Variants in SCAMP4 observed in about 807,000 individuals in gnomAD.
SCAMP4 encodes the protein secretory carrier-associated membrane protein 4.
A neutral mutation model predicts 32.1 loss-of-function variants in SCAMP4; 19 were observed. That is an observed-to-expected ratio of 0.59 (90% CI 0.41 to 0.87). The LOEUF is 0.87. Ranked by LOEUF, SCAMP4 falls within the 40% of genes least tolerant of loss-of-function variation. The pLI is 0.00. For synonymous variants in SCAMP4, 152 were observed against 132.7 expected (o/e 1.15, Z -1.00); for missense variants, 302 against 309.0 (o/e 0.98, Z 0.17).
intron 1 of SCAMP4, chr19:1,912,036 CG>C: frequency 7.1e-7 from 1 of 1,416,238 alleles, no homozygotes; most frequent in East Asian, 2.8e-5. Context: ...CCCAGCCGCC[CG>C]CAGCCGCCGG....
At chr19:1,912,130 A>G (rs1451602977) in intron 1 of SCAMP4, 2 of 1,554,132 alleles carry the variant, frequency 1.3e-6, no homozygotes, top group Non-Finnish European at 1.7e-6. Flanking sequence ...GAGCAGCCCA[A>G]GTGCTTGGAG....
At position 1,923,109 on chromosome 19, in the gene SCAMP4, G is replaced by C; in HGVS notation, c.435G>C (p.Pro145=). 6.4e-7 allele frequency: 1 copy of C among 1,552,652 alleles called. No individual in the cohort carries two copies. The highest frequency in any genetic ancestry group is 8.7e-7 in the Non-Finnish European group (1 of 1,147,768). ...CAATTGGATTCTTCCAGTACAGCCC[G>C]GGCGCTGCCGTGGTCATGCTGCTTC... ...LSAIGFFQYS[P]GAAVVMLLPA... is the part of the protein sequence containing the mutation. Residue 145 remains proline (P), a synonymous_variant, in exon 6 of 7, where the codon CCG becomes CCC. Coordinates refer to ENST00000316097, the MANE Select transcript of SCAMP4 (RefSeq NM_079834.4).
At position 1,924,526 on chromosome 19, in the gene SCAMP4, G is replaced by A. The variant is rs112436547; in HGVS notation, c.*242G>A. The A allele has an allele frequency of 1.8e-5, 10 of 546,398 alleles. No homozygotes were observed. Among genetic ancestry groups the A allele is most frequent in the Admixed American group, 6.2e-5 (2 of 32,414 alleles). 33.8% of individuals were successfully genotyped at this position (546,398 alleles called of 1,614,324 possible). On this transcript the variant is annotated 3_prime_UTR_variant, in exon 7 of 7. Coordinates refer to ENST00000316097, the MANE Select transcript of SCAMP4 (RefSeq NM_079834.4). ...CCTTGGCCTCTGCCGTCCACAGGAC[G>A]CCCTCTTGCTCCCGGAAACGTGTGG... is the stretch of plus-strand genomic sequence containing the variant.
At chr19:1,921,020 T>C in intron 5 of SCAMP4, 1 of 985,418 alleles carries the variant, frequency 1.0e-6, no homozygotes, top group African/African-American at 1.7e-5. Flanking sequence ...GTGAACGCTC[T>C]TGAGAAAGAA....
At position 1,908,175 on chromosome 19, in the gene SCAMP4, G is replaced by A. The variant is rs959663182; in HGVS notation, c.-42+2736G>A. On this transcript the variant is annotated intron_variant, in intron 1 of 6. Coordinates refer to ENST00000316097, the MANE Select transcript of SCAMP4 (RefSeq NM_079834.4). This position sits in a 1 kb window ranked among gnomAD's most constrained non-coding sequence, Gnocchi z 4.2. ...GGTGTGCGTTTTGGGAGGGCCCAGCGAGTCGGCTGCTATGGGCCCCACCTG... is the reference window on the plus strand; with the variant it reads ...GGTGTGCGTTTTGGGAGGGCCCAGCAAGTCGGCTGCTATGGGCCCCACCTG... 3.4e-5 allele frequency: 9 copies of A among 268,246 alleles called. No individual in the cohort carries two copies. The highest frequency in any genetic ancestry group is 1.3e-4 in the East Asian group (1 of 7,984). 16.6% of individuals were successfully genotyped at this position (268,246 alleles called of 1,614,324 possible).
intron 1 of SCAMP4, among the ~76,000 whole-genome samples, chr19:1,914,328 C>T (rs2145443555): frequency 6.6e-6 from 1 of 152,268 alleles, no homozygotes; most frequent in Middle Eastern, 3.4e-3. Flanking sequence ...ACTGCCTCAC[C>T]TGGACTGTGG....
intron 1 of SCAMP4, 107 bp downstream of exon 1, chr19:1,905,546 G>A (rs1051215520): frequency 3.1e-6 from 1 of 323,180 alleles, no homozygotes; most frequent in Non-Finnish European, 6.8e-6. Flanking sequence ...CCGGCCGTTT[G>A]TGGGGAGAAA....
At chr19:1,913,038 G>T in intron 1 of SCAMP4, 1 of 1,603,772 alleles carries the variant, frequency 6.2e-7, no homozygotes. Context: ...CTCGCCCGAC[G>T]GCGCCCTGGG....
At chr19:1,909,900 G>C (rs1364604468) in intron 1 of SCAMP4, among the ~76,000 whole-genome samples, 1 of 152,238 alleles carries the variant, frequency 6.6e-6, no homozygotes, top group Non-Finnish European at 1.5e-5. Flanking sequence ...CGGGGCTTAC[G>C]TTTCGTGGCT....
intron 5 of SCAMP4, chr19:1,922,284 G>C: frequency 2.0e-6 from 2 of 983,738 alleles, no homozygotes; most frequent in South Asian, 9.4e-5. Context: ...TTTTGAGACA[G>C]AATCTTGCTC....
At position 1,908,194 on chromosome 19, in the gene SCAMP4, C is replaced by T. The variant is rs929120611; in HGVS notation, c.-42+2755C>T. The T allele has an allele frequency of 1.8e-5, 5 of 274,648 alleles. No individual in the cohort carries two copies. The Admixed American group carries it at 2.0e-4, about 11-fold the overall frequency. 17.0% of individuals were successfully genotyped at this position (274,648 alleles called of 1,614,324 possible). A position where few individuals can be genotyped will look rare whatever the true frequency, so the allele number is the denominator to read the frequency against. On this transcript the variant is annotated intron_variant, in intron 1 of 6. Transcript: ENST00000316097. The surrounding 1 kb of genome is among the most constrained non-coding windows in gnomAD (Gnocchi z 4.2). ...CCCAGCGAGTCGGCTGCTATGGGCC[C>T]CACCTGGCACGGGGCCTCGGGCAGC...
intron 1 of SCAMP4, chr19:1,912,362 C>T: frequency 6.5e-7 from 1 of 1,528,026 alleles, no homozygotes; most frequent in Non-Finnish European, 8.7e-7. Flanking sequence ...GCCCCCACGC[C>T]CTGGAGATGC....
At position 1,908,428 on chromosome 19, in the gene SCAMP4, G is replaced by A. The variant is rs549897909; in HGVS notation, c.-42+2989G>A. 34 of 463,992 alleles carry A rather than the reference G, an allele frequency of 7.3e-5. No homozygotes were observed. The highest frequency in any genetic ancestry group is 3.7e-4 in the South Asian group (24 of 64,072). 28.7% of individuals were successfully genotyped at this position (463,992 alleles called of 1,614,324 possible). On this transcript the variant is annotated intron_variant, in intron 1 of 6. Transcript: ENST00000316097. This position sits in a 1 kb window ranked among gnomAD's most constrained non-coding sequence, Gnocchi z 4.2. ...AGGCGTGGACCAGGCAGTGCATGTC[G>A]AGGAGTAGCACCCACAGCTGCGCGG...
In SCAMP4 at chr19:1,917,024, G is replaced by T. The variant is rs1164450177; in HGVS notation, c.8-670G>T. Among the ~76,000 whole-genome samples the T allele has an allele frequency of 3.9e-5, 6 of 152,382 alleles. No homozygotes were observed. In the East Asian group the frequency reaches 1.2e-3, roughly 29 times the overall value. ...AAATTTAAAAAACAATTTCGGCCGG[G>T]CGCGGTGGCTCACGCCTGTTATCCC... On this transcript the variant is annotated intron_variant, in intron 2 of 6. Transcript: ENST00000316097.
intron 1 of SCAMP4, chr19:1,913,577 C>T (rs773753912): frequency 8.4e-5 from 16 of 191,592 alleles, no homozygotes; most frequent in Non-Finnish European, 1.4e-4. Context: ...TGGGCTGATT[C>T]TGGGGTAGAG....
Position 1,924,201 on chromosome 19 carries a change from G to T in SCAMP4, c.607G>T (p.Ala203Ser). 6.2e-7 allele frequency: 1 copy of T among 1,609,828 alleles called. No homozygotes were observed. The highest frequency in any genetic ancestry group is 8.5e-7 in the Non-Finnish European group (1 of 1,178,112). The change falls in exon 7 of 7, where the codon GCC (alanine) becomes TCC (serine). Residue 203 changes from alanine to serine, a missense_variant. Ala to Ser is a moderately conservative substitution (Grantham distance 99). Coordinates refer to ENST00000316097, the MANE Select transcript of SCAMP4 (RefSeq NM_079834.4). ...TTGGCGGAACCCACCGTCGAGGGAG[G>T]CCCAGTACAACAACTTCTCAGGCAA... ...GTWRNPPSRE[A>S]QYNNFSGNSL...
chr19:1,915,252 G>A (rs1056629626), intron 2 of SCAMP4, among the ~76,000 whole-genome samples: 10 of 152,198 alleles, frequency 6.6e-5, no homozygotes, highest in Non-Finnish European at 7.4e-5. Context: ...TCACTGACCC[G>A]AAGCACAGCC....
At chr19:1,920,339 C>G (rs1568773382) in intron 5 of SCAMP4, 1 of 972,156 alleles carries the variant, frequency 1.0e-6, no homozygotes, top group South Asian at 4.8e-5. Flanking sequence ...CTGCGGTACT[C>G]TCACGCCAGT....
At position 1,924,380 on chromosome 19, in the gene SCAMP4, C is replaced by G; in HGVS notation, c.*96C>G. ...GGGCTGGGAGTACCTGGGGCCCCAT[C>G]CCCCCAGCTGGGATGGTGGAAGCCG... On this transcript the variant is annotated 3_prime_UTR_variant, in exon 7 of 7. Coordinates refer to ENST00000316097, the MANE Select transcript of SCAMP4 (RefSeq NM_079834.4). 3 of 1,177,604 alleles carry G rather than the reference C, an allele frequency of 2.5e-6. No individual in the cohort carries two copies. Among genetic ancestry groups the G allele is most frequent in the Non-Finnish European group, 3.6e-6 (3 of 836,874 alleles). The allele number at this position is 1,177,604 out of a possible 1,614,324, so 72.9% of individuals were successfully genotyped here. A position where few individuals can be genotyped will look rare whatever the true frequency, so the allele number is the denominator to read the frequency against.
Sources: allele counts gnomAD v4.1 joint callset (sites outside exome capture counted in the v4.1 genomes callset), GRCh38; gene constraint gnomAD v4.1.1; non-coding constraint Gnocchi (gnomAD v3.1); transcripts MANE v1.5; gene names NCBI Gene and HGNC (gene_info 2026-07-23, HGNC 2026-07-21).